Variants in RPAP1 observed in about 807,000 individuals in gnomAD.
RPAP1 encodes RNA polymerase II-associated protein 1.
A neutral mutation model predicts 142.4 loss-of-function variants in RPAP1; 109 were observed. The observed-to-expected ratio is 0.77, with a 90% CI of 0.66 to 0.90. The LOEUF (loss-of-function observed/expected upper bound fraction) is 0.90, where lower values mean the gene tolerates loss of function less well. Ranked by LOEUF, RPAP1 falls within the 40% of genes least tolerant of loss-of-function variation. RPAP1 has a pLI of 0.00. For synonymous variants in RPAP1, 704 were observed against 738.9 expected (o/e 0.95, Z 0.77); for missense variants, 1,546 against 1,751.7 (o/e 0.88, Z 2.10).
At chr15:41,541,567 G>A (rs1338529084) in intron 1 of RPAP1, among the ~76,000 whole-genome samples, 1 of 152,202 alleles carries the variant, frequency 6.6e-6, no homozygotes, top group Non-Finnish European at 1.5e-5. Flanking sequence ...CTGAATGAAG[G>A]CCGGGTGTGC....
At chr15:41,529,604 C>A (rs750776070) in intron 8 of RPAP1, 36 bp from the exon 9 acceptor site, 1 of 1,450,144 alleles carries the variant, frequency 6.9e-7, no homozygotes, top group Admixed American at 1.8e-5. Flanking sequence ...GGTCTGGGGG[C>A]TCCAGCAACC....
chr15:41,534,415 T>TC (rs1459865404), intron 6 of RPAP1, among the ~76,000 whole-genome samples: 2 of 140,406 alleles, frequency 1.4e-5, no homozygotes, highest in Non-Finnish European at 3.1e-5. Context: ...TGAAACTCTG[T>TC]CCCCCCAAAA....
Position 41,536,935 on chromosome 15 carries a change from G to A in RPAP1, c.181+10C>T, listed in dbSNP as rs747472140. 2.0e-5 allele frequency: 33 copies of A among 1,611,768 alleles called. No individual in the cohort carries two copies. Among genetic ancestry groups the A allele is most frequent in the Non-Finnish European group, 2.7e-5 (32 of 1,178,294 alleles). On this transcript the variant is annotated intron_variant, in intron 2 of 24. Transcript: ENST00000304330. Reference sequence around the variant, plus strand: ...CTCTACTTCTCAGCCTCACATCCATGGGAACTCACTGTCCAACATCACCAC... The same window carrying A: ...CTCTACTTCTCAGCCTCACATCCATAGGAACTCACTGTCCAACATCACCAC...
rs758848320 is a variant in RPAP1 at position 41,520,571 on chromosome 15, C to T, written c.3615G>A (p.Thr1205=). 1.2e-5 allele frequency: 20 copies of T among 1,614,198 alleles called. No homozygotes were observed. Among genetic ancestry groups the T allele is most frequent in the East Asian group, 6.7e-5 (3 of 44,888 alleles). ...AGTTGGCATAGAGGTCAGGGAAAGACGTCAGGCCAGGGAGTCGGCAGTCCA... is the reference window on the plus strand; with the variant it reads ...AGTTGGCATAGAGGTCAGGGAAAGATGTCAGGCCAGGGAGTCGGCAGTCCA... ...LNLDCRLPGL[T]SFPDLYANFL... is the part of the protein sequence containing the mutation. Residue 1205 remains threonine, a synonymous_variant, in exon 22 of 25, where the codon ACG becomes ACA. Coordinates refer to ENST00000304330, the MANE Select transcript of RPAP1 (RefSeq NM_015540.4).
chr15:41,522,026 C>T, intron 20 of RPAP1, 72 bp downstream of exon 20: 1 of 1,583,116 alleles, frequency 6.3e-7, no homozygotes, highest in Non-Finnish European at 8.6e-7. Flanking sequence ...CTGGCAGAAG[C>T]AGGCTGGGTT....
At position 41,529,531 on chromosome 15, in the gene RPAP1, A is replaced by G; in HGVS notation, c.1097T>C (p.Leu366Pro). Residue 366 changes from leucine to proline, a missense_variant, in exon 9 of 25, where the codon CTG becomes CCG. By Grantham distance (98) the Leu-to-Pro change is moderately conservative (BLOSUM62 -3). Around this residue, in one of 3 missense-constraint regions of RPAP1, gnomAD observed 1,333 missense variants for 1,486.6 expected, o/e 0.90. Transcript: ENST00000304330. ...GGTGGGCAGGTCCACGTCAGGGGCCAGTAGTTCTCCCTGAAGACTGAATCG... is the reference window on the plus strand; with the variant it reads ...GGTGGGCAGGTCCACGTCAGGGGCCGGTAGTTCTCCCTGAAGACTGAATCG... Reference protein sequence around the residue: ...QARFSLQGELLAPDVDLPTHL... With the variant: ...QARFSLQGELPAPDVDLPTHL... 2 of 1,613,626 alleles carry G rather than the reference A, an allele frequency of 1.2e-6. No individual in the cohort carries two copies. The highest frequency in any genetic ancestry group is 1.7e-6 in the Non-Finnish European group (2 of 1,179,772).
intron 18 of RPAP1, 123 bp downstream of exon 18, chr15:41,523,122 C>G: frequency 1.1e-6 from 1 of 927,942 alleles, no homozygotes. Flanking sequence ...GCTAGGGACT[C>G]GGGTTTCCCT....
chr15:41,528,972 C>T (rs1174548478), intron 9 of RPAP1, among the ~76,000 whole-genome samples: 1 of 152,036 alleles, frequency 6.6e-6, no homozygotes, highest in Non-Finnish European at 1.5e-5. Context: ...GGCCACAGTG[C>T]AGGAGGCATC....
chr15:41,536,261 C>T (rs2051906005), intron 3 of RPAP1, 43 bp from the exon 4 acceptor site: 1 of 1,572,814 alleles, frequency 6.4e-7, no homozygotes, highest in Non-Finnish European at 8.7e-7. Flanking sequence ...AATGGAGAAA[C>T]TTCCCCAGGC....
chr15:41,535,618 T>C lies in RPAP1; in HGVS notation c.435A>G (p.Thr145=), dbSNP rs781628855. ...RSRDTQGKSA[T]SGKRSIFAQE... ...GGGCAAAGATGCTTCTCTTACCAGA[T>C]GTTGCTGATTTCCCCTGTGGGGCAA... The change falls in exon 5 of 25, where the codon ACA becomes ACG. Residue 145 remains threonine, a synonymous_variant. Transcript: ENST00000304330. 9.9e-6 allele frequency: 16 copies of C among 1,613,350 alleles called. No individual in the cohort carries two copies. Among genetic ancestry groups the C allele is most frequent in the South Asian group, 4.4e-5 (4 of 90,908 alleles).
In RPAP1 at chr15:41,536,933, A is replaced by G. The variant is rs780663596; in HGVS notation, c.181+12T>C. On this transcript the variant is annotated intron_variant, in intron 2 of 24. Coordinates refer to ENST00000304330, the MANE Select transcript of RPAP1 (RefSeq NM_015540.4). ...CTCTCTACTTCTCAGCCTCACATCC[A>G]TGGGAACTCACTGTCCAACATCACC... 6.2e-7 allele frequency: 1 copy of G among 1,611,778 alleles called. No individual in the cohort carries two copies. Among genetic ancestry groups the G allele is most frequent in the Non-Finnish European group, 8.5e-7 (1 of 1,178,192 alleles).
intron 2 of RPAP1, 124 bp downstream of exon 2, chr15:41,536,821 G>T: frequency 7.2e-7 from 1 of 1,380,970 alleles, no homozygotes; most frequent in South Asian, 1.4e-5. Context: ...TGGGGCTGCA[G>T]AAACACAGGC....
chr15:41,524,211 G>A lies in RPAP1; in HGVS notation c.2119C>T (p.Arg707Trp), dbSNP rs545307017. The A allele has an allele frequency of 5.0e-5, 78 of 1,560,636 alleles. No homozygotes were observed. The highest frequency in any genetic ancestry group is 3.6e-4 in the East Asian group (16 of 44,374). ...TGAGGTGGGTGGGTGCTGAGCTCCC[G>A]CGGCACCACCTGCAAGGCCCGCATC... ...VLMRALQVVP[R>W]ELSTHPPQPL... is the part of the protein sequence containing the mutation. Residue 707 changes from arginine to tryptophan, a missense_variant, in exon 16 of 25, where the codon CGG (arginine) becomes TGG (tryptophan). By Grantham distance (101) the Arg-to-Trp change is moderately radical. Transcript: ENST00000304330.
chr15:41,525,046 C>A lies in RPAP1; in HGVS notation c.2020G>T (p.Ala674Ser). The change falls in exon 15 of 25, where the codon GCC becomes TCC. Residue 674 changes from alanine (A) to serine (S), a missense_variant. By Grantham distance (99) the Ala-to-Ser change is moderately conservative. Coordinates refer to ENST00000304330, the MANE Select transcript of RPAP1 (RefSeq NM_015540.4). ...GCAGCCACAGCCCACAGACGGAGGGCCTCGGTGCTCAGCATCTCAGCTTCC... is the reference window on the plus strand; with the variant it reads ...GCAGCCACAGCCCACAGACGGAGGGACTCGGTGCTCAGCATCTCAGCTTCC... The part of the protein sequence containing the change: ...PEEAEMLSTE[A>S]LRLWAVAASY... 1 of 1,614,080 alleles carries A rather than the reference C, an allele frequency of 6.2e-7. No individual in the cohort carries two copies. Among genetic ancestry groups the A allele is most frequent in the Non-Finnish European group, 8.5e-7 (1 of 1,179,988 alleles).
intron 7 of RPAP1, among the ~76,000 whole-genome samples, 198 bp from the exon 8 acceptor site, chr15:41,530,177 C>T (rs1345555949): frequency 6.6e-6 from 1 of 152,096 alleles, no homozygotes; most frequent in Non-Finnish European, 1.5e-5. Flanking sequence ...ATGACAGACA[C>T]ACTCCATCCT....
chr15:41,518,221 G>A (rs757194188), intron 22 of RPAP1, 39 bp from the exon 23 acceptor site: 4 of 1,518,588 alleles, frequency 2.6e-6, no homozygotes. Context: ...GGGAGGGTAG[G>A]AATGTATATA....
chr15:41,539,294 T>G (rs988330966), intron 1 of RPAP1, among the ~76,000 whole-genome samples: 18 of 151,970 alleles, frequency 1.2e-4, no homozygotes, highest in Non-Finnish European at 2.5e-4. Flanking sequence ...TTTTTTTGTT[T>G]TTTGTTTTTT....
At chr15:41,521,908 T>C in intron 20 of RPAP1, 28 bp from the exon 21 acceptor site, 1 of 1,609,896 alleles carries the variant, frequency 6.2e-7, no homozygotes. Flanking sequence ...GGGAACTACC[T>C]AGTACAGGAG....
At chr15:41,523,590 G>A (rs938214952) in intron 17 of RPAP1, among the ~76,000 whole-genome samples, 181 bp downstream of exon 17, 15 of 152,234 alleles carry the variant, frequency 9.9e-5, no homozygotes, top group African/African-American at 3.6e-4. Context: ...CACCAACATG[G>A]CTCCTGGGAA....
Sources: gnomAD v4.1 joint callset for allele counts (sites outside exome capture counted in the v4.1 genomes callset) on GRCh38, gnomAD v4.1.1 for gene constraint, gnomAD v4.1.1 regional missense constraint, MANE v1.5 for transcripts, NCBI Gene and HGNC (gene_info 2026-07-23, HGNC 2026-07-21) for gene names.